Variants in ZNG1B observed in about 807,000 individuals in gnomAD.
ZNG1B encodes zinc-regulated GTPase metalloprotein activator 1B.
chr2:113,471,480 T>A, the ZNG1B span, among the ~76,000 whole-genome samples: 436 of 151,736 alleles, frequency 2.9e-3, 4 homozygotes, highest in African/African-American at 8.2e-3. Context: ...TTTTTTAATT[T>A]ATTTATTTAT....
chr2:113,443,127 C>T, the ZNG1B span, among the ~76,000 whole-genome samples: 1 of 152,002 alleles, frequency 6.6e-6, no homozygotes, highest in East Asian at 1.9e-4. Flanking sequence ...CGCTACCACA[C>T]CTGGCTAATT....
the ZNG1B span, among the ~76,000 whole-genome samples, chr2:113,479,620 C>T: frequency 6.6e-6 from 1 of 152,140 alleles, no homozygotes; most frequent in Non-Finnish European, 1.5e-5. Context: ...CTTTTTACTT[C>T]AAGGTTCCAG....
the ZNG1B span, chr2:113,462,570 C>T: frequency 6.6e-7 from 1 of 1,519,938 alleles, no homozygotes; most frequent in Non-Finnish European, 9.0e-7. Flanking sequence ...CTGATTGTTG[C>T]CCTGTAGAAA....
At chr2:113,486,893 C>T in the ZNG1B span, among the ~76,000 whole-genome samples, 2 of 151,446 alleles carry the variant, frequency 1.3e-5, no homozygotes, top group Admixed American at 1.3e-4. Context: ...TTTTTTTTAA[C>T]TGACAGTTAT....
chr2:113,477,267 A>C, the ZNG1B span, among the ~76,000 whole-genome samples: 1 of 152,086 alleles, frequency 6.6e-6, no homozygotes, highest in African/African-American at 2.4e-5. Flanking sequence ...TTCGGGTGGG[A>C]GTGACCCGAT....
At chr2:113,457,211 T>C in the ZNG1B span, 1 of 444,436 alleles carries the variant, frequency 2.3e-6, no homozygotes, top group Non-Finnish European at 4.5e-6. Context: ...GAAGGTCAAG[T>C]GAGAGGTTTC....
At chr2:113,477,401 G>C in the ZNG1B span, among the ~76,000 whole-genome samples, 16 of 152,192 alleles carry the variant, frequency 1.1e-4, no homozygotes, top group African/African-American at 3.6e-4. Flanking sequence ...CGCACCCACT[G>C]ACCTGCGCCC....
At chr2:113,446,382 A>T in the ZNG1B span, among the ~76,000 whole-genome samples, 1 of 152,220 alleles carries the variant, frequency 6.6e-6, no homozygotes, top group African/African-American at 2.4e-5. Flanking sequence ...TGGAACATTC[A>T]TTGTAAAAAA....
At chr2:113,492,917 C>T in the ZNG1B span, among the ~76,000 whole-genome samples, 1 of 83,876 alleles carries the variant, frequency 1.2e-5, no homozygotes, top group East Asian at 3.1e-4. Context: ...TAATGTTATG[C>T]TTAGCCCTTG....
the ZNG1B span, chr2:113,469,802 TTA>T: frequency 1.3e-5 from 2 of 148,344 alleles, no homozygotes; most frequent in Non-Finnish European, 3.0e-5. Context: ...GATGTTTTTC[TTA>T]TATGTTTGTG....
the ZNG1B span, chr2:113,444,287 A>G: frequency 7.9e-6 from 2 of 253,594 alleles, no homozygotes; most frequent in Non-Finnish European, 7.8e-6. Flanking sequence ...CTAGTCTACC[A>G]TAGACCCTAG....
the ZNG1B span, among the ~76,000 whole-genome samples, chr2:113,451,851 C>CCATT: frequency 6.6e-6 from 1 of 151,684 alleles, no homozygotes; most frequent in Non-Finnish European, 1.5e-5. Flanking sequence ...GAATAAAAAT[C>CCATT]AATGAATTTT....
At chr2:113,475,574 C>T in the ZNG1B span, among the ~76,000 whole-genome samples, 2,567 of 151,982 alleles carry the variant, frequency 0.017, 38 homozygotes, top group Non-Finnish European at 0.027. Context: ...GATGCAGTTT[C>T]TTCCTAGCTT....
chr2:113,465,743 C>T, the ZNG1B span: 1 of 871,308 alleles, frequency 1.1e-6, no homozygotes, highest in Non-Finnish European at 1.3e-6. Context: ...TTATTAAGCT[C>T]ATTTTTTTTT....
the ZNG1B span, chr2:113,445,114 G>A: frequency 1.9e-6 from 3 of 1,584,142 alleles, no homozygotes. Context: ...GTAAATAGAT[G>A]TATTAGAGGA....
chr2:113,463,775 A>T, the ZNG1B span, among the ~76,000 whole-genome samples: 1 of 151,364 alleles, frequency 6.6e-6, no homozygotes, highest in African/African-American at 2.4e-5. Context: ...AACTTTGCAC[A>T]GTGCTGACAC....
At chr2:113,490,482 G>A in the ZNG1B span, among the ~76,000 whole-genome samples, 1 of 151,862 alleles carries the variant, frequency 6.6e-6, no homozygotes, top group Non-Finnish European at 1.5e-5. Context: ...GAAGACCAGA[G>A]CGGAATTAAA....
the ZNG1B span, chr2:113,462,581 C>T: frequency 2.0e-6 from 3 of 1,465,036 alleles, no homozygotes; most frequent in African/African-American, 4.3e-5. Flanking sequence ...CCTGTAGAAA[C>T]TTAAGGTATA....
At chr2:113,440,899 A>G in the ZNG1B span, among the ~76,000 whole-genome samples, 7 of 143,358 alleles carry the variant, frequency 4.9e-5, no homozygotes, top group African/African-American at 1.8e-4. Flanking sequence ...TAAAGTTGGT[A>G]TAGCTTTATG....
Sources: gnomAD v4.1 joint callset for allele counts (sites outside exome capture counted in the v4.1 genomes callset) on GRCh38, gnomAD v4.1.1 for gene constraint, MANE v1.5 for transcripts, NCBI Gene and HGNC (gene_info 2026-07-23, HGNC 2026-07-21) for gene names.